The following TPPP2 variants were observed in gnomAD, a reference collection of about 807,000 sequenced individuals.
TPPP2 encodes tubulin polymerization promoting protein family member 2, also known as tubulin polymerization-promoting protein family member 2.
Under a neutral mutation model 13.0 loss-of-function variants are expected in TPPP2, and 8 were observed. That is an observed-to-expected ratio of 0.62 (90% CI 0.36 to 1.11). The LOEUF is 1.11. TPPP2 is among the 50% of genes most tolerant of loss of function. The pLI, the probability that TPPP2 is intolerant of heterozygous loss-of-function variation, is 0.02. For synonymous variants in TPPP2, 81 were observed against 81.8 expected (o/e 0.99, Z 0.05); for missense variants, 213 against 216.9 (o/e 0.98, Z 0.11).
At chr14:21,033,616 T>C (rs1884399165), downstream of TPPP2, 1 of 594,342 alleles carries the variant, frequency 1.7e-6, no homozygotes, top group Admixed American at 2.9e-5. Flanking sequence ...GAAGAGGGGG[T>C]AAACAAGCTG....
downstream of TPPP2, chr14:21,033,572 T>C: frequency 1.8e-6 from 1 of 557,928 alleles, no homozygotes; most frequent in East Asian, 3.0e-5. Context: ...TTTTACTGTC[T>C]CTGGGAGAGG....
chr14:21,025,240 C>G (rs1465986665), upstream of TPPP2: 11 of 835,596 alleles, frequency 1.3e-5, no homozygotes, highest in Non-Finnish European at 1.6e-5. The surrounding 1 kb of genome is among the most constrained non-coding windows in gnomAD (Gnocchi z 5.1). Flanking sequence ...GGCCGGGGGG[C>G]GAGGGGCGGG....
chr14:21,034,061 A>T (rs777486503), downstream of TPPP2: 1 of 1,614,214 alleles, frequency 6.2e-7, no homozygotes, highest in Non-Finnish European at 8.5e-7. Flanking sequence ...TCCAAGGGGC[A>T]TGTATCACAT....
Position 21,030,820 on chromosome 14 carries a change from T to C in TPPP2, c.173+66T>C, listed in dbSNP as rs894216874. The stretch of plus-strand genomic sequence containing the variant: ...TGCGAGGTAGTTGGCCACGGAAGGG[T>C]TCACGTGGTGGAACATTTGCAGTGG... On this transcript the variant is annotated intron_variant, in intron 2 of 3. Transcript: ENST00000321760. 5.1e-6 allele frequency: 8 copies of C among 1,572,668 alleles called. No homozygotes were observed. The African/African-American group carries it at 1.1e-4, about 21-fold the overall frequency.
downstream of TPPP2, chr14:21,033,524 G>A (rs1884390850): frequency 6.7e-6 from 3 of 446,006 alleles, no homozygotes; most frequent in Non-Finnish European, 1.2e-5. Context: ...TGGGTGGACA[G>A]TCACTGCCAA....
At chr14:21,026,943 C>G (rs1405992831), upstream of TPPP2, among the ~76,000 whole-genome samples, 1 of 146,274 alleles carries the variant, frequency 6.8e-6, no homozygotes, top group East Asian at 1.9e-4. Flanking sequence ...GAGGGAGAGC[C>G]TCGAGTGAGA....
chr14:21,024,952 G>A (rs1179355120), intron 1 of TPPP2: 23 of 985,468 alleles, frequency 2.3e-5, no homozygotes, highest in Non-Finnish European at 2.7e-5. Flanking sequence ...TCCAGGGGAC[G>A]CGGATCAATC....
chr14:21,032,225 A>C lies in TPPP2; in HGVS notation c.*148A>C. 7 of 854,844 alleles carry C rather than the reference A, an allele frequency of 8.2e-6. No individual in the cohort carries two copies. Among genetic ancestry groups the C allele is most frequent in the Non-Finnish European group, 1.3e-5 (7 of 520,844 alleles). 53.0% of individuals were successfully genotyped at this position (854,844 alleles called of 1,614,324 possible). ...GCCTACTAGTGTAGAGAGAGGGAGA[A>C]GAGGCAGCACAGGAGGGTGGGTTCT... On this transcript the variant is annotated 3_prime_UTR_variant, in exon 4 of 4. Transcript: ENST00000321760.
At chr14:21,033,663 A>G, downstream of TPPP2, 2 of 644,450 alleles carry the variant, frequency 3.1e-6, no homozygotes, top group South Asian at 3.6e-5. Context: ...TTGCATGGTG[A>G]TCAAAGCCCT....
chr14:21,032,201 C>G lies in TPPP2; in HGVS notation c.*124C>G. The G allele has an allele frequency of 9.9e-7, 1 of 1,008,154 alleles. No individual in the cohort carries two copies. Among genetic ancestry groups the G allele is most frequent in the South Asian group, 1.4e-5 (1 of 73,796 alleles). 62.5% of individuals were successfully genotyped at this position (1,008,154 alleles called of 1,614,324 possible). A position where few individuals can be genotyped will look rare whatever the true frequency, so the allele number is the denominator to read the frequency against. On this transcript the variant is annotated 3_prime_UTR_variant, in exon 4 of 4. Transcript: ENST00000321760. ...TCTCTGTCTGTGAGGGACAGATGAG[C>G]CTACTAGTGTAGAGAGAGGGAGAAG... is the stretch of plus-strand genomic sequence containing the variant.
In TPPP2 at chr14:21,031,101, A is replaced by G. The variant is rs1884078626; in HGVS notation, c.263A>G (p.Asp88Gly). The G allele has an allele frequency of 6.2e-7, 1 of 1,614,212 alleles. No homozygotes were observed. Among genetic ancestry groups the G allele is most frequent in the Non-Finnish European group, 8.5e-7 (1 of 1,180,036 alleles). The change falls in exon 3 of 4, where the codon GAT (aspartate) becomes GGT (glycine). Residue 88 changes from aspartate (D) to glycine (G), a missense_variant. By Grantham distance (94) the Asp-to-Gly change is moderately conservative. Transcript: ENST00000321760. ...GQKRFKGKSP[D>G]EVLENIYGLM... ...AAGCGCTTCAAAGGGAAGAGTCCAG[A>G]TGAAGTCCTGGAGAACATTTATGGA...
At chr14:21,033,819 T>C (rs766773258), downstream of TPPP2, 1 of 1,601,006 alleles carries the variant, frequency 6.2e-7, no homozygotes, top group Admixed American at 1.7e-5. Flanking sequence ...GCTCAGGAAT[T>C]AAATTCCCGA....
At chr14:21,030,776 G>T (rs750560095) in intron 2 of TPPP2, 22 bp downstream of exon 2, 27 of 1,611,042 alleles carry the variant, frequency 1.7e-5, no homozygotes, top group Non-Finnish European at 2.2e-5. Context: ...AAAATATGGA[G>T]GTGGGGGTGA....
At chr14:21,033,641 G>C, downstream of TPPP2, 1 of 617,694 alleles carries the variant, frequency 1.6e-6, no homozygotes, top group South Asian at 1.9e-5. Flanking sequence ...GAACCTAGAA[G>C]ATAGCACCAC....
downstream of TPPP2, chr14:21,033,967 G>T (rs1884434514): frequency 6.2e-7 from 1 of 1,613,890 alleles, no homozygotes; most frequent in Non-Finnish European, 8.5e-7. Flanking sequence ...ACCGTGATGG[G>T]GAGGGAATCC....
At chr14:21,026,711 G>A (rs1883684745), upstream of TPPP2, among the ~76,000 whole-genome samples, 2 of 152,016 alleles carry the variant, frequency 1.3e-5, no homozygotes, top group Non-Finnish European at 2.9e-5. Context: ...CCAATTTGGA[G>A]CACCCAACTT....
rs1278153488 is a variant in TPPP2, at chr14:21,030,698, C to CATGG, written c.122_125dup (p.Lys43TrpfsTer48). 2.5e-6 allele frequency: 4 copies of CATGG among 1,614,076 alleles called. No individual in the cohort carries two copies. In the African/African-American group the frequency reaches 4.0e-5, roughly 16 times the overall value. On this transcript the variant is annotated frameshift_variant, in exon 2 of 4. Transcript: ENST00000321760. LOFTEE classifies it high-confidence loss of function. Reference sequence around the variant, plus strand: ...CCAAGCTGTGCAAAGACTGTGGCATCATGGATGGCAAGACAGTCACCTCCA... The same window carrying CATGG: ...CCAAGCTGTGCAAAGACTGTGGCATCATGGATGGATGGCAAGACAGTCACCTCCA...
downstream of TPPP2, chr14:21,033,140 G>C (rs999172618): frequency 4.8e-5 from 18 of 378,454 alleles, no homozygotes; most frequent in Admixed American, 1.4e-4. Flanking sequence ...AGAAAAAGAG[G>C]TTGGAAAAAG....
At chr14:21,033,294 G>A (rs527823218), downstream of TPPP2, 36 of 313,534 alleles carry the variant, frequency 1.1e-4, no homozygotes, top group Non-Finnish European at 1.9e-4. Context: ...GGGGTTGTGG[G>A]GAAGTGAGGC....
Sources: allele counts gnomAD v4.1 joint callset (sites outside exome capture counted in the v4.1 genomes callset), GRCh38; gene constraint gnomAD v4.1.1; non-coding constraint Gnocchi (gnomAD v3.1); transcripts MANE v1.5; gene names NCBI Gene and HGNC (gene_info 2026-07-23, HGNC 2026-07-21).